FAM13A: variants seen among roughly 807,000 people sequenced by gnomAD.
FAM13A encodes the protein family with sequence similarity 13 member A, also known as protein FAM13A.
A neutral mutation model predicts 129.6 loss-of-function variants in FAM13A; 76 were observed. The observed-to-expected ratio is 0.59, with a 90% CI of 0.49 to 0.71. The LOEUF (loss-of-function observed/expected upper bound fraction) is 0.71. Among genes scored for constraint, FAM13A ranks in the 30% least tolerant of loss-of-function variants. The pLI is 0.00. For missense variants in FAM13A, 1,108 were observed against 1,249.3 expected, an observed-to-expected ratio of 0.89 and a Z score of 1.70; for synonymous variants, 443 against 449.9, an observed-to-expected ratio of 0.98 and a Z score of 0.20.
At chr4:88,995,495 C>G (rs959629651) in intron 3 of FAM13A, among the ~76,000 whole-genome samples, 1 of 152,138 alleles carries the variant, frequency 6.6e-6, no homozygotes, top group Non-Finnish European at 1.5e-5. Flanking sequence ...ATCTCTCTCC[C>G]GTTCTGGATG....
intron 4 of FAM13A, among the ~76,000 whole-genome samples, chr4:88,988,979 G>A (rs543741437): frequency 2.0e-5 from 3 of 151,780 alleles, no homozygotes; most frequent in East Asian, 1.9e-4. Context: ...AGGCGGAGGC[G>A]GGAGGATCAC....
intron 8 of FAM13A, among the ~76,000 whole-genome samples, chr4:88,795,932 T>C (rs1359799857): frequency 6.6e-6 from 1 of 151,812 alleles, no homozygotes; most frequent in Non-Finnish European, 1.5e-5. Context: ...GTATCATCTC[T>C]CATTTTTCTC....
At chr4:89,039,622 T>A (rs1769836242) in intron 1 of FAM13A, among the ~76,000 whole-genome samples, 1 of 151,990 alleles carries the variant, frequency 6.6e-6, no homozygotes, top group Admixed American at 6.6e-5. Flanking sequence ...TTAGGCCAGG[T>A]GTGGTGGCTC....
chr4:89,000,069 C>T (rs149070137), intron 3 of FAM13A, among the ~76,000 whole-genome samples: 1,902 of 152,254 alleles, frequency 0.012, 14 homozygotes, highest in Non-Finnish European at 0.018. Context: ...CCCAATGGGC[C>T]TCTTCTTGGC....
chr4:88,802,414 T>C (rs761886121), intron 8 of FAM13A, among the ~76,000 whole-genome samples: 1 of 151,406 alleles, frequency 6.6e-6, no homozygotes, highest in Non-Finnish European at 1.5e-5. Flanking sequence ...GGCTCTGTGG[T>C]GAGTTAAGTT....
intron 5 of FAM13A, among the ~76,000 whole-genome samples, chr4:88,911,657 T>G (rs1048168365): frequency 2.0e-5 from 3 of 152,190 alleles, no homozygotes; most frequent in African/African-American, 7.2e-5. Flanking sequence ...TCCCTCCATA[T>G]GCACAGTGGA....
rs777079270 is a variant in FAM13A at position 88,893,145 on chromosome 4, CA to C, written c.843+13233del. 4.7e-4 allele frequency among the ~76,000 whole-genome samples: 71 copies of C among 152,104 alleles called. 1 individual carries two copies. Among genetic ancestry groups the C allele is most frequent in the Admixed American group, 4.6e-3 (70 of 15,266 alleles). ...CAACATAAACATATGAAAAACTGCC[CA>C]TTTGTATTAATCAGGATAGACTTGA... is the stretch of plus-strand genomic sequence containing the variant. On this transcript the variant is annotated intron_variant, in intron 6 of 23. Coordinates refer to ENST00000264344, the MANE Select transcript of FAM13A (RefSeq NM_014883.4).
At chr4:88,758,686 C>T in intron 14 of FAM13A, 68 bp downstream of exon 14, 1 of 1,459,096 alleles carries the variant, frequency 6.9e-7, no homozygotes, top group South Asian at 1.3e-5. Flanking sequence ...TAGTTACATG[C>T]CTCTCATTTG....
intron 7 of FAM13A, among the ~76,000 whole-genome samples, chr4:88,845,556 A>G (rs557146430): frequency 2.0e-5 from 3 of 152,336 alleles, no homozygotes; most frequent in Admixed American, 2.0e-4. Context: ...AGAATTTTCA[A>G]GAATCTGTGA....
chr4:88,962,714 G>GA (rs973081075), intron 4 of FAM13A, among the ~76,000 whole-genome samples: 114 of 152,286 alleles, frequency 7.5e-4, no homozygotes, highest in African/African-American at 2.6e-3. Context: ...ATATTTGTGG[G>GA]ATGTGCACCA....
chr4:88,958,620 G>A (rs1758136455), intron 4 of FAM13A, among the ~76,000 whole-genome samples: 2 of 152,250 alleles, frequency 1.3e-5, no homozygotes, highest in African/African-American at 4.8e-5. Context: ...AGAAAGCCTG[G>A]TTGTCCAGGC....
intron 22 of FAM13A, 61 bp downstream of exon 22, chr4:88,731,941 A>G (rs1737911397): frequency 1.5e-6 from 2 of 1,299,486 alleles, no homozygotes; most frequent in African/African-American, 3.0e-5. Flanking sequence ...AAAGGCTAAG[A>G]TAATATTTAA....
intron 13 of FAM13A, among the ~76,000 whole-genome samples, chr4:88,766,415 G>A (rs2149539355): frequency 6.6e-6 from 1 of 152,264 alleles, no homozygotes; most frequent in East Asian, 1.9e-4. Flanking sequence ...GAAGCTGTGA[G>A]GTCAGAAAGA....
At chr4:88,932,712 T>G (rs1409865962) in intron 5 of FAM13A, among the ~76,000 whole-genome samples, 2 of 152,154 alleles carry the variant, frequency 1.3e-5, no homozygotes, top group Non-Finnish European at 2.9e-5. Context: ...ATAAACAATA[T>G]TAAATTTTTT....
intron 6 of FAM13A, among the ~76,000 whole-genome samples, chr4:88,870,097 T>C (rs1224417065): frequency 1.4e-5 from 2 of 147,200 alleles, no homozygotes; most frequent in African/African-American, 5.1e-5. Flanking sequence ...CCTTTTTCCT[T>C]AAAGTAACTA....
chr4:88,934,644 C>A (rs111762177), intron 5 of FAM13A, among the ~76,000 whole-genome samples: 2 of 152,280 alleles, frequency 1.3e-5, no homozygotes, highest in African/African-American at 4.8e-5. Flanking sequence ...CCCAGTTATT[C>A]AGAAATACAG....
intron 7 of FAM13A, among the ~76,000 whole-genome samples, chr4:88,820,016 T>C (rs991523779): frequency 3.3e-5 from 5 of 152,330 alleles, no homozygotes; most frequent in East Asian, 1.9e-4. Context: ...ACTCTGCCAA[T>C]AACATTCAGT....
chr4:89,053,493 T>C (rs778331618), intron 1 of FAM13A, among the ~76,000 whole-genome samples: 9 of 152,148 alleles, frequency 5.9e-5, no homozygotes, highest in Non-Finnish European at 1.0e-4. Flanking sequence ...TTTAATTTGG[T>C]ATATGACCTT....
At chr4:88,806,602 A>G (rs979112573) in intron 7 of FAM13A, among the ~76,000 whole-genome samples, 4 of 152,168 alleles carry the variant, frequency 2.6e-5, no homozygotes, top group Admixed American at 2.0e-4. Context: ...TGGGTTTCCA[A>G]TTTCAACACT....
Sources: allele counts gnomAD v4.1 joint callset (sites outside exome capture counted in the v4.1 genomes callset), GRCh38; gene constraint gnomAD v4.1.1; transcripts MANE v1.5; gene names NCBI Gene and HGNC (gene_info 2026-07-23, HGNC 2026-07-21).